Variants in IMMP2L observed in about 807,000 individuals in gnomAD.
IMMP2L encodes mitochondrial inner membrane protease subunit 2.
A neutral mutation model predicts 19.3 loss-of-function variants in IMMP2L; 18 were observed. That is an observed-to-expected ratio of 0.93 (90% confidence interval 0.64 to 1.38). The LOEUF is 1.38. Among genes scored for constraint, IMMP2L ranks in the 40% most tolerant of loss-of-function variants. The pLI, the probability that IMMP2L is intolerant of heterozygous loss-of-function variation, is 0.00. For synonymous variants in IMMP2L, 76 were observed against 73.0 expected (o/e 1.04, Z -0.21); for missense variants, 233 against 218.2 (o/e 1.07, Z -0.43).
chr7:111,499,923 G>A (rs970430724), intron 2 of IMMP2L, among the ~76,000 whole-genome samples: 1 of 152,104 alleles, frequency 6.6e-6, no homozygotes, highest in Non-Finnish European at 1.5e-5. Context: ...TGAGGTACCG[G>A]GTTCATCTCA....
intron 3 of IMMP2L, among the ~76,000 whole-genome samples, chr7:111,283,848 G>A (rs1455285827): frequency 6.7e-6 from 1 of 149,820 alleles, no homozygotes; most frequent in African/African-American, 2.4e-5. Flanking sequence ...GCGGGCGCCT[G>A]TAGTCCCAGC....
chr7:111,494,431 G>A (rs953191181), intron 2 of IMMP2L, among the ~76,000 whole-genome samples: 24 of 152,240 alleles, frequency 1.6e-4, no homozygotes, highest in African/African-American at 5.8e-4. Flanking sequence ...CAAGGAAGAG[G>A]AAAGGTAAAT....
intron 3 of IMMP2L, among the ~76,000 whole-genome samples, chr7:111,437,235 C>T (rs1183410133): frequency 6.6e-6 from 1 of 151,808 alleles, no homozygotes; most frequent in Non-Finnish European, 1.5e-5. Flanking sequence ...CACCTGAGGT[C>T]ATGAGTTCGA....
intron 3 of IMMP2L, among the ~76,000 whole-genome samples, chr7:111,020,441 G>A (rs1486151244): frequency 6.6e-6 from 1 of 151,500 alleles, no homozygotes; most frequent in South Asian, 2.1e-4. Flanking sequence ...GGGAACTTAC[G>A]TTCTACTATA....
chr7:111,094,619 T>C (rs543747017), intron 3 of IMMP2L, among the ~76,000 whole-genome samples: 10 of 152,272 alleles, frequency 6.6e-5, no homozygotes, highest in East Asian at 3.9e-4. Flanking sequence ...CTCTCTGATA[T>C]TGGCTATGCA....
chr7:110,666,230 T>C (rs575435408), intron 5 of IMMP2L, among the ~76,000 whole-genome samples: 1 of 152,138 alleles, frequency 6.6e-6, no homozygotes, highest in South Asian at 2.1e-4. Flanking sequence ...CTGCTCCCCC[T>C]GAGATCAGAC....
rs142131595 is a variant in IMMP2L, at chr7:111,238,539, G to A, written c.239+248699C>T. ...TTATAGAGATGGATTTTTTATTAAG[G>A]GAAGGAGCAGATTCCAGGGTCAATT... On this transcript the variant is annotated intron_variant, in intron 3 of 5. Coordinates refer to ENST00000405709, the MANE Select transcript of IMMP2L (RefSeq NM_032549.4). Among the ~76,000 whole-genome samples the A allele has an allele frequency of 2.0e-5, 3 of 151,924 alleles. No individual in the cohort carries two copies. In the East Asian group the frequency reaches 5.8e-4, roughly 29 times the overall value.
At chr7:110,801,069 TATAC>T in intron 5 of IMMP2L, among the ~76,000 whole-genome samples, 1 of 152,132 alleles carries the variant, frequency 6.6e-6, no homozygotes, top group East Asian at 1.9e-4. Context: ...GATTCATTTT[TATAC>T]ATGGATGGCA....
chr7:111,112,068 C>T (rs1049116886), intron 3 of IMMP2L, among the ~76,000 whole-genome samples: 3 of 150,854 alleles, frequency 2.0e-5, no homozygotes, highest in Non-Finnish European at 4.4e-5. Flanking sequence ...CTGTCTCAGC[C>T]TCCCGAGTAG....
At chr7:111,208,093 G>A (rs1429187362) in intron 3 of IMMP2L, among the ~76,000 whole-genome samples, 4 of 151,916 alleles carry the variant, frequency 2.6e-5, no homozygotes, top group African/African-American at 9.7e-5. Context: ...CTTCAGTCAG[G>A]ACCTAATGGA....
chr7:110,920,382 G>A (rs1427745157), intron 4 of IMMP2L, among the ~76,000 whole-genome samples: 2 of 152,220 alleles, frequency 1.3e-5, no homozygotes, highest in Non-Finnish European at 2.9e-5. Flanking sequence ...TGTACCAGGT[G>A]CCTATGGAGA....
intron 3 of IMMP2L, among the ~76,000 whole-genome samples, chr7:111,394,005 T>C (rs993384513): frequency 6.6e-6 from 1 of 152,166 alleles, no homozygotes; most frequent in Admixed American, 6.6e-5. Flanking sequence ...GATTTCAAAA[T>C]AGGAAACAGT....
At chr7:111,485,314 T>A (rs547277944) in intron 3 of IMMP2L, among the ~76,000 whole-genome samples, 3 of 152,112 alleles carry the variant, frequency 2.0e-5, no homozygotes, top group Admixed American at 2.0e-4. Context: ...AAAAACACAG[T>A]TCAGGCCGGG....
chr7:111,440,923 C>G (rs1837647051), intron 3 of IMMP2L, among the ~76,000 whole-genome samples: 1 of 151,932 alleles, frequency 6.6e-6, no homozygotes, highest in Non-Finnish European at 1.5e-5. Flanking sequence ...TTTGTACTTA[C>G]ATGTTATGAA....
rs1293802912 is a variant in IMMP2L at position 111,213,886 on chromosome 7, A to T, written c.240-250321T>A. Among the ~76,000 whole-genome samples the T allele has an allele frequency of 6.6e-6, 1 of 152,184 alleles. No homozygotes were observed. The highest frequency in any genetic ancestry group is 6.5e-5 in the Admixed American group (1 of 15,290). On this transcript the variant is annotated intron_variant, in intron 3 of 5. Coordinates refer to ENST00000405709, the MANE Select transcript of IMMP2L (RefSeq NM_032549.4). The surrounding 1 kb of genome is among the most constrained non-coding windows in gnomAD (Gnocchi z 4.8). ...TTCCTCTTTGCCTTGTTCATGTGACAGTCCTACAAATGTACCCCCTGTATC... is the reference window on the plus strand; with the variant it reads ...TTCCTCTTTGCCTTGTTCATGTGACTGTCCTACAAATGTACCCCCTGTATC...
intron 5 of IMMP2L, among the ~76,000 whole-genome samples, chr7:110,731,249 T>C (rs1331275036): frequency 6.6e-6 from 1 of 152,152 alleles, no homozygotes; most frequent in Non-Finnish European, 1.5e-5. Flanking sequence ...TTAACACTTA[T>C]TATGTTTATA....
chr7:111,009,165 G>A (rs1019672369), intron 3 of IMMP2L, among the ~76,000 whole-genome samples: 2 of 151,988 alleles, frequency 1.3e-5, no homozygotes, highest in Non-Finnish European at 2.9e-5. Flanking sequence ...CTCTAAAAGC[G>A]ATTTAAAAAC....
At chr7:111,454,901 T>C (rs956010376) in intron 3 of IMMP2L, among the ~76,000 whole-genome samples, 2 of 152,090 alleles carry the variant, frequency 1.3e-5, no homozygotes, top group African/African-American at 2.4e-5. Flanking sequence ...CTTTCTAGCA[T>C]GGTCTGAATG....
intron 3 of IMMP2L, among the ~76,000 whole-genome samples, chr7:111,450,231 A>G (rs1838981610): frequency 6.7e-6 from 1 of 150,230 alleles, no homozygotes; most frequent in South Asian, 2.1e-4. Flanking sequence ...ATATGGAACC[A>G]AAAAAGAGCC....
Sources: allele counts gnomAD v4.1 joint callset (sites outside exome capture counted in the v4.1 genomes callset), GRCh38; gene constraint gnomAD v4.1.1; non-coding constraint Gnocchi (gnomAD v3.1); transcripts MANE v1.5; gene names NCBI Gene and HGNC (gene_info 2026-07-23, HGNC 2026-07-21).